AP1B1: variants seen among roughly 807,000 people sequenced by gnomAD.
The protein encoded by AP1B1 is AP-1 complex subunit beta-1.
AP1B1 carries 36 observed loss-of-function variants against 104.3 expected under a neutral mutation model. The observed-to-expected ratio is 0.35, with a 90% confidence interval of 0.26 to 0.46. AP1B1 has a LOEUF of 0.46. Among genes scored for constraint, AP1B1 ranks in the 20% least tolerant of loss-of-function variants. The pLI is 1.00. For synonymous variants in AP1B1, 504 were observed against 517.5 expected (o/e 0.97, Z 0.35); for missense variants, 901 against 1,247.9 (o/e 0.72, Z 4.19).
intron 13 of AP1B1, 45 bp downstream of exon 13, chr22:29,341,456 G>A (rs2061712991): frequency 6.3e-7 from 1 of 1,585,164 alleles, no homozygotes; most frequent in Non-Finnish European, 8.6e-7. Context: ...CTAAACTGGG[G>A]AAGCAGAGTG....
intron 16 of AP1B1, 84 bp downstream of exon 16, chr22:29,338,905 AC>A: frequency 6.4e-7 from 1 of 1,559,716 alleles, no homozygotes; most frequent in Non-Finnish European, 8.7e-7. Context: ...AGCCAATTCC[AC>A]AGCCGAGGCC....
At chr22:29,359,257 G>A (rs1252738890) in intron 4 of AP1B1, among the ~76,000 whole-genome samples, 3 of 152,126 alleles carry the variant, frequency 2.0e-5, no homozygotes, top group Non-Finnish European at 4.4e-5. Context: ...GAGCTCATCT[G>A]AAGCCACAGA....
intron 1 of AP1B1, among the ~76,000 whole-genome samples, chr22:29,382,228 T>C (rs1365061552): frequency 1.3e-5 from 2 of 151,944 alleles, no homozygotes; most frequent in Non-Finnish European, 2.9e-5. Context: ...TCTTTTCAAG[T>C]TTTTTGTGGA....
intron 1 of AP1B1, among the ~76,000 whole-genome samples, chr22:29,386,358 T>C (rs1474335477): frequency 6.6e-6 from 1 of 151,970 alleles, no homozygotes; most frequent in African/African-American, 2.4e-5. Context: ...TTGAAGCAGC[T>C]CAGGGTGAAG....
At chr22:29,366,881 CAA>C (rs1555932074) in intron 2 of AP1B1, among the ~76,000 whole-genome samples, 4 of 140,414 alleles carry the variant, frequency 2.8e-5, no homozygotes, top group African/African-American at 5.2e-5. Context: ...CACACACACA[CAA>C]CTGCTGTGGG....
intron 1 of AP1B1, among the ~76,000 whole-genome samples, chr22:29,375,706 C>A (rs2148042244): frequency 6.6e-6 from 1 of 152,256 alleles, no homozygotes; most frequent in Non-Finnish European, 1.5e-5. Flanking sequence ...AGCTGTGTGA[C>A]CCTGGGCAAC....
At chr22:29,363,240 G>A (rs1018106113) in intron 2 of AP1B1, 134 bp from the exon 3 acceptor site, 1 of 613,922 alleles carries the variant, frequency 1.6e-6, no homozygotes, top group Non-Finnish European at 2.9e-6. Flanking sequence ...AGCTTCAGGC[G>A]CCTGGCCTCA....
intron 21 of AP1B1, 89 bp downstream of exon 21, chr22:29,330,289 G>T (rs141763376): frequency 1.2e-5 from 19 of 1,580,336 alleles, no homozygotes; most frequent in Non-Finnish European, 1.5e-5. Flanking sequence ...TTGAAGGGAC[G>T]CTTGGACCGC....
At chr22:29,352,773 T>C (rs1473729965) in intron 7 of AP1B1, among the ~76,000 whole-genome samples, 1 of 152,058 alleles carries the variant, frequency 6.6e-6, no homozygotes. Context: ...AAAAAATATA[T>C]ATATTTAAAA....
rs372583527 is a variant in AP1B1, at chr22:29,349,369, A to T, written c.1286T>A (p.Ile429Asn). The T allele has an allele frequency of 6.2e-7, 1 of 1,613,918 alleles. No homozygotes were observed. ...RKYPNKYESV[I>N]ATLCENLDSL... ...GTCCAGATTCTCACACAGTGTGGCAATCACACTCTCATACCTGGGAGACCA... is the reference window on the plus strand; with the variant it reads ...GTCCAGATTCTCACACAGTGTGGCATTCACACTCTCATACCTGGGAGACCA... Residue 429 changes from isoleucine (I) to asparagine (N), a missense_variant, in exon 11 of 23, where the codon ATT becomes AAT. Physicochemically the swap from Ile to Asn is moderately radical, Grantham distance 149 (BLOSUM62 -3). Around this residue, in one of 3 missense-constraint regions of AP1B1, gnomAD observed 471 missense variants for 696.7 expected, o/e 0.68. Coordinates refer to ENST00000357586, the MANE Select transcript of AP1B1 (RefSeq NM_001127.4).
intron 1 of AP1B1, among the ~76,000 whole-genome samples, chr22:29,375,618 C>CAT (rs1481359957): frequency 6.6e-6 from 1 of 152,156 alleles, no homozygotes; most frequent in Non-Finnish European, 1.5e-5. Flanking sequence ...AGACTGGGAA[C>CAT]ATAAGGCTTT....
intron 1 of AP1B1, among the ~76,000 whole-genome samples, chr22:29,379,709 A>G (rs1039543024): frequency 2.6e-5 from 4 of 152,184 alleles, no homozygotes; most frequent in Non-Finnish European, 4.4e-5. Flanking sequence ...GTTCTCTTAG[A>G]TGAAGAGGGG....
At chr22:29,355,044 T>C (rs753894426) in intron 6 of AP1B1, among the ~76,000 whole-genome samples, 173 bp from the exon 7 acceptor site, 2 of 152,096 alleles carry the variant, frequency 1.3e-5, no homozygotes, top group Non-Finnish European at 2.9e-5. Flanking sequence ...GAGACAAGCC[T>C]GGCCAACATG....
At chr22:29,359,091 G>A in intron 4 of AP1B1, 120 bp from the exon 5 acceptor site, 1 of 1,034,208 alleles carries the variant, frequency 9.7e-7, no homozygotes. Flanking sequence ...GGCTGCTGTG[G>A]ATCTTCACCA....
intron 12 of AP1B1, 113 bp from the exon 13 acceptor site, chr22:29,341,873 A>T: frequency 7.9e-7 from 1 of 1,260,216 alleles, no homozygotes; most frequent in Non-Finnish European, 1.1e-6. Flanking sequence ...TGGGGACAGC[A>T]GTCCTGAGTG....
rs762372219 is a variant in AP1B1 at position 29,330,433 on chromosome 22, T to G, written c.2711A>C (p.Asn904Thr). The G allele has an allele frequency of 2.5e-6, 4 of 1,613,880 alleles. No individual in the cohort carries two copies. The highest frequency in any genetic ancestry group is 3.4e-6 in the Non-Finnish European group (4 of 1,179,980). Residue 904 changes from asparagine (N) to threonine (T), a missense_variant, in exon 21 of 23, where the codon AAC becomes ACC. This residue lies in a region of AP1B1 where 424 missense variants were observed against 494.0 expected (regional missense o/e 0.86). Coordinates refer to ENST00000357586, the MANE Select transcript of AP1B1 (RefSeq NM_001127.4). ...CAGCTCCGCCAGCACCCAGATGCCGTTGGTCAGCTTCAGGGACTGGTAGAG... is the reference window on the plus strand; with the variant it reads ...CAGCTCCGCCAGCACCCAGATGCCGGTGGTCAGCTTCAGGGACTGGTAGAG... ...DMLYQSLKLT[N>T]GIWVLAELRI...
intron 19 of AP1B1, among the ~76,000 whole-genome samples, chr22:29,330,974 G>A (rs1042649268): frequency 5.9e-4 from 90 of 152,276 alleles, no homozygotes; most frequent in African/African-American, 2.0e-3. Context: ...CCTCCTCCTC[G>A]GTGAGCAGCC....
intron 16 of AP1B1, among the ~76,000 whole-genome samples, chr22:29,334,907 G>A (rs572046798): frequency 6.6e-6 from 1 of 152,248 alleles, no homozygotes; most frequent in African/African-American, 2.4e-5. Flanking sequence ...AAACTGGTCT[G>A]ACCAAGGACA....
chr22:29,341,754 C>G lies in AP1B1; in HGVS notation c.1543G>C (p.Asp515His). 1.2e-6 allele frequency: 2 copies of G among 1,606,324 alleles called. No homozygotes were observed. Among genetic ancestry groups the G allele is most frequent in the South Asian group, 2.2e-5 (2 of 90,840 alleles). Reference sequence around the variant, plus strand: ...CCACGGTCCCGCAGGTCTGGGTTATCTGAGTCCTTGTGGGGGTGAGGAGAA... The same window carrying G: ...CCACGGTCCCGCAGGTCTGGGTTATGTGAGTCCTTGTGGGGGTGAGGAGAA... ...QVLSLATQDS[D>H]NPDLRDRGYI... Residue 515 changes from aspartate to histidine, a missense_variant, in exon 13 of 23, where the codon GAT becomes CAT. Coordinates refer to ENST00000357586, the MANE Select transcript of AP1B1 (RefSeq NM_001127.4).
Sources: allele counts gnomAD v4.1 joint callset (sites outside exome capture counted in the v4.1 genomes callset), GRCh38; gene constraint gnomAD v4.1.1; regional missense constraint gnomAD v4.1.1; transcripts MANE v1.5; gene names NCBI Gene and HGNC (gene_info 2026-07-23, HGNC 2026-07-21).